Variants in MARCHF1 observed in about 807,000 individuals in gnomAD.
MARCHF1 encodes the protein E3 ubiquitin-protein ligase MARCHF1.
In MARCHF1, 40 loss-of-function variants were observed where a neutral mutation model predicts 54.2. The observed-to-expected ratio is 0.74, with a 90% confidence interval of 0.57 to 0.96. The LOEUF is 0.96. Among genes scored for constraint, MARCHF1 ranks in the 40% least tolerant of loss-of-function variants. MARCHF1 has a pLI of 0.00. For synonymous variants in MARCHF1, 236 were observed against 236.3 expected (o/e 1.00, Z 0.01); for missense variants, 586 against 656.5 (o/e 0.89, Z 1.17).
At chr4:164,050,445 G>C (rs1754340223) in intron 2 of MARCHF1, among the ~76,000 whole-genome samples, 1 of 151,928 alleles carries the variant, frequency 6.6e-6, no homozygotes, top group African/African-American at 2.4e-5. Flanking sequence ...CTTGTGTCTT[G>C]TGAGTTTTAC....
chr4:164,356,160 T>C (rs547671448), intron 1 of MARCHF1, among the ~76,000 whole-genome samples: 2 of 109,864 alleles, frequency 1.8e-5, no homozygotes, highest in South Asian at 6.0e-4. Flanking sequence ...ACTTTTGCAC[T>C]GTTGGTGGGA....
rs1253127129 is a variant in MARCHF1 at position 163,866,482 on chromosome 4, A to T, written c.-38-12313T>A. ...AAGCTGTAGTTATATATATATATAT[A>T]ATAGGACTGTAGTAGTTTATATAAT... On this transcript the variant is annotated intron_variant, in intron 3 of 9. Transcript: ENST00000514618. Among the ~76,000 whole-genome samples, 2 of 143,254 alleles carry T rather than the reference A, an allele frequency of 1.4e-5. 1 individual carries two copies. Among genetic ancestry groups the T allele is most frequent in the Non-Finnish European group, 3.1e-5 (2 of 64,946 alleles). 94.0% of individuals were successfully genotyped at this position (143,254 alleles called of 152,430 possible).
chr4:163,727,237 A>G (rs929185158), intron 4 of MARCHF1, among the ~76,000 whole-genome samples: 1 of 152,018 alleles, frequency 6.6e-6, no homozygotes, highest in South Asian at 2.1e-4. Context: ...TGTGTTTTAC[A>G]TTTAGGTCTT....
intron 5 of MARCHF1, 152 bp from the exon 6 acceptor site, chr4:163,613,545 GT>G: frequency 6.5e-7 from 1 of 1,550,030 alleles, no homozygotes; most frequent in African/African-American, 1.4e-5. Flanking sequence ...GAAGTTTGAG[GT>G]TGGTTTTGCA....
chr4:164,093,078 CAG>C (rs1439765138), intron 2 of MARCHF1, among the ~76,000 whole-genome samples: 2 of 152,110 alleles, frequency 1.3e-5, no homozygotes, highest in African/African-American at 4.8e-5. Flanking sequence ...TATATTCAAA[CAG>C]AAGTGAGGCC....
In MARCHF1 at chr4:163,674,637, C is replaced by T. The variant is rs184773855; in HGVS notation, c.162+26176G>A. Among the ~76,000 whole-genome samples the T allele has an allele frequency of 3.3e-4, 50 of 152,222 alleles. No individual in the cohort carries two copies. In the East Asian group the frequency reaches 5.8e-3, roughly 18 times the overall value. ...CAGTGACTGCACAGAGTAGCTGATA[C>T]CTCCAGGGAAACAGGGGCTCACAAA... On this transcript the variant is annotated intron_variant, in intron 5 of 9. Coordinates refer to ENST00000514618, the MANE Select transcript of MARCHF1 (RefSeq NM_001394959.1).
intron 3 of MARCHF1, among the ~76,000 whole-genome samples, chr4:163,977,836 G>C (rs913368810): frequency 1.3e-5 from 2 of 152,088 alleles, no homozygotes; most frequent in African/African-American, 2.4e-5. Context: ...AACTTTCAAC[G>C]AACTTTTTCA....
intron 8 of MARCHF1, among the ~76,000 whole-genome samples, chr4:163,579,564 T>C (rs1740149750): frequency 6.6e-6 from 1 of 152,216 alleles, no homozygotes; most frequent in East Asian, 1.9e-4. Flanking sequence ...AGAAATTTGT[T>C]GTGAAAAACT....
At chr4:163,807,241 A>C (rs1381965147) in intron 4 of MARCHF1, among the ~76,000 whole-genome samples, 1 of 152,224 alleles carries the variant, frequency 6.6e-6, no homozygotes, top group Admixed American at 6.5e-5. Flanking sequence ...TGACTAAAAA[A>C]CATTTTAAAA....
intron 5 of MARCHF1, among the ~76,000 whole-genome samples, chr4:163,635,923 T>A (rs1742300954): frequency 6.6e-6 from 1 of 152,210 alleles, no homozygotes; most frequent in African/African-American, 2.4e-5. Context: ...ATCCCTGGGA[T>A]GCAAGGTTGG....
chr4:163,983,509 T>C (rs1203951491), intron 3 of MARCHF1, among the ~76,000 whole-genome samples: 1 of 152,144 alleles, frequency 6.6e-6, no homozygotes, highest in Non-Finnish European at 1.5e-5. Context: ...GGGCAGACAC[T>C]GTAACAAAAA....
At chr4:163,532,644 A>T (rs577674951) in intron 9 of MARCHF1, among the ~76,000 whole-genome samples, 1 of 152,076 alleles carries the variant, frequency 6.6e-6, no homozygotes, top group South Asian at 2.1e-4. Flanking sequence ...TGAAAAAGGG[A>T]TTTGTATCCA....
Position 163,624,309 on chromosome 4 carries a change from C to T in MARCHF1, c.163-10916G>A, listed in dbSNP as rs371369372. ...CAATCCTCAACCAAGAGAGATCAGG[C>T]GTTGGAGGATAAATGCGCCAACACC... On this transcript the variant is annotated intron_variant, in intron 5 of 9. Coordinates refer to ENST00000514618, the MANE Select transcript of MARCHF1 (RefSeq NM_001394959.1). Among the ~76,000 whole-genome samples, 116 of 152,248 alleles carry T rather than the reference C, an allele frequency of 7.6e-4. 1 individual carries two copies. The South Asian group carries it at 0.02, about 27-fold the overall frequency.
intron 5 of MARCHF1, among the ~76,000 whole-genome samples, chr4:163,626,177 T>G: frequency 6.6e-6 from 1 of 152,242 alleles, no homozygotes; most frequent in East Asian, 1.9e-4. Context: ...AAGTTATTTA[T>G]ATCAGCAGTA....
chr4:163,807,102 A>G (rs968500418), intron 4 of MARCHF1, among the ~76,000 whole-genome samples: 5 of 152,204 alleles, frequency 3.3e-5, no homozygotes, highest in Admixed American at 6.5e-5. Flanking sequence ...ACACAGCACA[A>G]TATTTGCTGA....
At chr4:163,689,290 T>C (rs1222300825) in intron 5 of MARCHF1, among the ~76,000 whole-genome samples, 1 of 152,198 alleles carries the variant, frequency 6.6e-6, no homozygotes, top group Non-Finnish European at 1.5e-5. Flanking sequence ...GAAAACATCA[T>C]CACATATTGT....
chr4:163,579,905 A>C (rs930867357), intron 8 of MARCHF1, among the ~76,000 whole-genome samples: 7 of 152,144 alleles, frequency 4.6e-5, no homozygotes, highest in African/African-American at 1.7e-4. Context: ...TGTAATCCCA[A>C]GTACTTTAAG....
At chr4:163,612,176 G>A in intron 7 of MARCHF1, 95 bp downstream of exon 7, 1 of 1,072,662 alleles carries the variant, frequency 9.3e-7, no homozygotes, top group Non-Finnish European at 1.3e-6. Flanking sequence ...GTAAATAAAT[G>A]TTAAGTTTTG....
rs1483731854 is a variant in MARCHF1 at position 164,102,443 on chromosome 4, G to T, written c.-248+9145C>A. Among the ~76,000 whole-genome samples the T allele has an allele frequency of 1.8e-4, 24 of 131,494 alleles. 1 individual carries two copies. Among genetic ancestry groups the T allele is most frequent in the African/African-American group, 6.9e-4 (24 of 34,872 alleles). The allele number at this position is 131,494 out of a possible 152,430, so 86.3% of individuals were successfully genotyped here. ...GGCAGAAACCCTACAAGCCAGAAGA[G>T]AGTGGGGGCCAATATTCAACATTCT... On this transcript the variant is annotated intron_variant, in intron 2 of 9. Coordinates refer to ENST00000514618, the MANE Select transcript of MARCHF1 (RefSeq NM_001394959.1).
Sources: gnomAD v4.1 joint callset for allele counts (sites outside exome capture counted in the v4.1 genomes callset) on GRCh38, gnomAD v4.1.1 for gene constraint, MANE v1.5 for transcripts, NCBI Gene and HGNC (gene_info 2026-07-23, HGNC 2026-07-21) for gene names.